TTC28: variants seen among roughly 807,000 people sequenced by gnomAD.
The protein encoded by TTC28 is tetratricopeptide repeat domain 28.
Under a neutral mutation model 198.0 loss-of-function variants are expected in TTC28, and 61 were observed. The ratio of observed to expected loss-of-function variants is 0.31; its 90% CI spans 0.25 to 0.38. The LOEUF (loss-of-function observed/expected upper bound fraction) is 0.38, where lower values mean the gene tolerates loss of function less well. TTC28 is among the 10% of genes least tolerant of loss of function. TTC28 has a pLI of 1.00. For missense variants in TTC28, 2,678 were observed against 3,164.0 expected, an observed-to-expected ratio of 0.85 and a Z score of 3.69; for synonymous variants, 1,171 against 1,297.8, an observed-to-expected ratio of 0.90 and a Z score of 2.10.
At chr22:28,360,545 C>A (rs972083691) in intron 2 of TTC28, among the ~76,000 whole-genome samples, 4 of 152,108 alleles carry the variant, frequency 2.6e-5, no homozygotes, top group African/African-American at 9.7e-5. Context: ...ATTCTCAAAG[C>A]TGAGTACAAC....
At chr22:28,458,254 C>T (rs2047894641) in intron 2 of TTC28, among the ~76,000 whole-genome samples, 1 of 152,088 alleles carries the variant, frequency 6.6e-6, no homozygotes, top group Admixed American at 6.6e-5. Context: ...AGAGCAACAT[C>T]TGAGGATTTC....
At chr22:28,420,895 C>T (rs1251190013) in intron 2 of TTC28, among the ~76,000 whole-genome samples, 2 of 152,056 alleles carry the variant, frequency 1.3e-5, no homozygotes, top group African/African-American at 2.4e-5. Flanking sequence ...GCCATTGCAC[C>T]CAGCCAGAAA....
chr22:27,988,723 TCAC>T (rs922930799), intron 21 of TTC28, among the ~76,000 whole-genome samples: 18 of 152,184 alleles, frequency 1.2e-4, no homozygotes, highest in Admixed American at 7.9e-4. Context: ...TTCCCTGGCA[TCAC>T]AGCCCACAGA....
chr22:28,036,291 A>G (rs1939341291), intron 12 of TTC28, among the ~76,000 whole-genome samples: 1 of 152,264 alleles, frequency 6.6e-6, no homozygotes, highest in African/African-American at 2.4e-5. Context: ...CAGCAAATGT[A>G]AAAGAACAGA....
intron 2 of TTC28, among the ~76,000 whole-genome samples, chr22:28,422,947 C>T (rs913076037): frequency 6.6e-6 from 1 of 152,146 alleles, no homozygotes; most frequent in Non-Finnish European, 1.5e-5. Flanking sequence ...TATTTCCAGT[C>T]ACCTACTTCT....
intron 5 of TTC28, among the ~76,000 whole-genome samples, chr22:28,271,673 C>T (rs1373519900): frequency 6.6e-6 from 1 of 152,126 alleles, no homozygotes; most frequent in East Asian, 1.9e-4. Context: ...GGCATGATCT[C>T]GGCTCACTGC....
At chr22:28,371,418 G>A (rs1465724872) in intron 2 of TTC28, among the ~76,000 whole-genome samples, 9 of 138,106 alleles carry the variant, frequency 6.5e-5, no homozygotes, top group African/African-American at 2.1e-4. Flanking sequence ...GCTGAGGTGG[G>A]AGGATCACTT....
intron 5 of TTC28, among the ~76,000 whole-genome samples, chr22:28,239,460 T>C (rs1461901152): frequency 1.3e-5 from 2 of 152,136 alleles, no homozygotes; most frequent in Admixed American, 1.3e-4. Context: ...ACAGGGTAGA[T>C]AACTAACCTA....
chr22:28,274,751 G>A (rs900051102), intron 5 of TTC28, among the ~76,000 whole-genome samples: 42 of 152,122 alleles, frequency 2.8e-4, no homozygotes, highest in African/African-American at 8.4e-4. Context: ...GGGCCGAGGC[G>A]GGCGGATCAC....
chr22:28,075,468 T>G (rs892781597), intron 12 of TTC28, among the ~76,000 whole-genome samples: 7 of 152,030 alleles, frequency 4.6e-5, no homozygotes, highest in African/African-American at 1.7e-4. Flanking sequence ...AAGCCAGCCA[T>G]GGTAGGAGAG....
chr22:28,122,387 T>C (rs1352774964), intron 6 of TTC28, among the ~76,000 whole-genome samples: 1 of 152,190 alleles, frequency 6.6e-6, no homozygotes, highest in Admixed American at 6.5e-5. Flanking sequence ...AAATAAGCCC[T>C]TATTTATTTA....
intron 5 of TTC28, among the ~76,000 whole-genome samples, chr22:28,236,997 T>C (rs1929294719): frequency 6.6e-6 from 1 of 152,232 alleles, no homozygotes; most frequent in Non-Finnish European, 1.5e-5. Flanking sequence ...ATTAAAGTAA[T>C]GGCTGACTAA....
chr22:28,250,764 T>G (rs1247716476), intron 5 of TTC28, among the ~76,000 whole-genome samples: 1 of 152,220 alleles, frequency 6.6e-6, no homozygotes, highest in Non-Finnish European at 1.5e-5. Flanking sequence ...AGCAGTTGGT[T>G]GAATCCACAG....
chr22:28,371,509 C>CAAAAAAAAA (rs1229801209), intron 2 of TTC28, among the ~76,000 whole-genome samples: 2,018 of 6,080 alleles, frequency 0.33, 737 homozygotes, highest in Non-Finnish European at 0.43. Flanking sequence ...GACCCTGTCT[C>CAAAAAAAAA]AAAAAAAAAA....
At chr22:28,439,517 G>A (rs1261288015) in intron 2 of TTC28, among the ~76,000 whole-genome samples, 2 of 152,184 alleles carry the variant, frequency 1.3e-5, no homozygotes, top group Non-Finnish European at 2.9e-5. Context: ...ACATTTTGAA[G>A]TAAATAAGGC....
chr22:28,035,746 C>T (rs1939313785), intron 12 of TTC28, among the ~76,000 whole-genome samples: 1 of 152,188 alleles, frequency 6.6e-6, no homozygotes, highest in Non-Finnish European at 1.5e-5. Flanking sequence ...GACTTACTTA[C>T]CAGTTCCTGT....
chr22:28,373,666 T>C (rs1367831505), intron 2 of TTC28, among the ~76,000 whole-genome samples: 2 of 152,146 alleles, frequency 1.3e-5, no homozygotes, highest in Non-Finnish European at 2.9e-5. Context: ...TAAGAAAATA[T>C]ATAAGAATAC....
chr22:28,491,555 A>G (rs1473122322), intron 2 of TTC28, among the ~76,000 whole-genome samples: 1 of 152,204 alleles, frequency 6.6e-6, no homozygotes, highest in Admixed American at 6.5e-5. Context: ...CAAAACCACA[A>G]TGAGATACCA....
chr22:27,982,826 G>T lies in TTC28; in HGVS notation c.6841C>A (p.Leu2281Met). The T allele has an allele frequency of 3.2e-6, 5 of 1,541,198 alleles. No individual in the cohort carries two copies. Among genetic ancestry groups the T allele is most frequent in the Non-Finnish European group, 4.4e-6 (5 of 1,140,822 alleles). Residue 2281 changes from leucine (L) to methionine (M), a missense_variant, in exon 23 of 23, where the codon CTG becomes ATG. By Grantham distance (15) the Leu-to-Met change is conservative. Transcript: ENST00000397906. The surrounding 1 kb of genome is among the most constrained non-coding windows in gnomAD (Gnocchi z 5.2). Reference sequence around the variant, plus strand: ...TTCAGTTTAAAGAGAGGCTGGTCCAGCTGGGAAGTCTGTGAGTCGCAGCCG... The same window carrying T: ...TTCAGTTTAAAGAGAGGCTGGTCCATCTGGGAAGTCTGTGAGTCGCAGCCG... ...SPGCDSQTSQ[L>M]DQPLFKLKYP... is the part of the protein sequence containing the mutation.
Sources: gnomAD v4.1 joint callset for allele counts (sites outside exome capture counted in the v4.1 genomes callset) on GRCh38, gnomAD v4.1.1 for gene constraint, Gnocchi (gnomAD v3.1) non-coding constraint, MANE v1.5 for transcripts, NCBI Gene and HGNC (gene_info 2026-07-23, HGNC 2026-07-21) for gene names.